Variants in CDK5RAP2 observed in about 807,000 individuals in gnomAD.
The protein encoded by CDK5RAP2 is CDK5 regulatory subunit associated protein 2.
Under a neutral mutation model 232.9 loss-of-function variants are expected in CDK5RAP2, and 147 were observed. The observed-to-expected ratio is 0.63, with a 90% CI of 0.55 to 0.72. The LOEUF (loss-of-function observed/expected upper bound fraction) is 0.72, where lower values mean the gene tolerates loss of function less well. Among genes scored for constraint, CDK5RAP2 ranks in the 30% least tolerant of loss-of-function variants. The pLI is 0.00. For missense variants in CDK5RAP2, 2,195 were observed against 2,231.5 expected (o/e 0.98, Z 0.33); for synonymous variants, 833 against 833.7 (o/e 1.00, Z 0.01).
In CDK5RAP2 at chr9:120,529,365, G is replaced by C. The variant is rs553146021; in HGVS notation, c.826-568C>G. On this transcript the variant is annotated intron_variant, in intron 8 of 37. Coordinates refer to ENST00000349780, the MANE Select transcript of CDK5RAP2 (RefSeq NM_018249.6). ...GCTTGCTGGGGAGGCCGCCTAGGGCGGGGGCAGGAGTCCAGGGAGGCTTTG... is the reference window on the plus strand; with the variant it reads ...GCTTGCTGGGGAGGCCGCCTAGGGCCGGGGCAGGAGTCCAGGGAGGCTTTG... Among the ~76,000 whole-genome samples the C allele has an allele frequency of 5.9e-5, 9 of 152,340 alleles. No individual in the cohort carries two copies. The South Asian group carries it at 1.9e-3, about 32-fold the overall frequency.
intron 5 of CDK5RAP2, among the ~76,000 whole-genome samples, chr9:120,543,240 C>G (rs139862852): frequency 6.6e-6 from 1 of 152,202 alleles, no homozygotes; most frequent in South Asian, 2.1e-4. Context: ...ACTGGACTAG[C>G]TTCCTGACTG....
intron 27 of CDK5RAP2, among the ~76,000 whole-genome samples, chr9:120,417,444 C>T (rs1253595014): frequency 1.3e-5 from 2 of 152,242 alleles, no homozygotes; most frequent in Non-Finnish European, 2.9e-5. Context: ...CCTCCAGCAG[C>T]TAGTCAGGTA....
At chr9:120,563,676 GTCCTCA>G (rs1478507681) in intron 3 of CDK5RAP2, among the ~76,000 whole-genome samples, 2 of 152,200 alleles carry the variant, frequency 1.3e-5, no homozygotes, top group Admixed American at 6.5e-5. Context: ...CTGAAACCCA[GTCCTCA>G]TCATTCTCAA....
At chr9:120,568,004 C>G (rs1266809379) in intron 3 of CDK5RAP2, among the ~76,000 whole-genome samples, 1 of 152,218 alleles carries the variant, frequency 6.6e-6, no homozygotes, top group African/African-American at 2.4e-5. Flanking sequence ...TAGCTCCCCT[C>G]AACTGTGCAA....
chr9:120,478,651 T>TG (rs1453846555), intron 14 of CDK5RAP2, among the ~76,000 whole-genome samples: 2 of 152,152 alleles, frequency 1.3e-5, no homozygotes, highest in African/African-American at 2.4e-5. Context: ...TATGGTGGCA[T>TG]GCACCTATAG....
At chr9:120,430,315 T>A (rs528304263) in intron 25 of CDK5RAP2, among the ~76,000 whole-genome samples, 41 of 151,978 alleles carry the variant, frequency 2.7e-4, no homozygotes, top group African/African-American at 8.4e-4. Flanking sequence ...ACCATCAGAG[T>A]GAACAGGCAA....
At chr9:120,520,794 CAT>C (rs55944936) in intron 11 of CDK5RAP2, among the ~76,000 whole-genome samples, 5 of 73,470 alleles carry the variant, frequency 6.8e-5, no homozygotes, top group African/African-American at 2.2e-4. Flanking sequence ...AGATATATCT[CAT>C]ATATCTCATG....
chr9:120,579,313 C>A (rs1389637267), intron 1 of CDK5RAP2, among the ~76,000 whole-genome samples: 1 of 152,212 alleles, frequency 6.6e-6, no homozygotes, highest in Non-Finnish European at 1.5e-5. Flanking sequence ...CTCTTTTAAT[C>A]CTCACCCCAA....
At chr9:120,479,076 C>T (rs1221340577) in intron 14 of CDK5RAP2, among the ~76,000 whole-genome samples, 1 of 152,066 alleles carries the variant, frequency 6.6e-6, no homozygotes, top group Non-Finnish European at 1.5e-5. Flanking sequence ...TTTGGAAAGG[C>T]TCCCACAAGC....
chr9:120,507,076 A>C (rs1283557438), intron 12 of CDK5RAP2, among the ~76,000 whole-genome samples: 1 of 152,230 alleles, frequency 6.6e-6, no homozygotes, highest in African/African-American at 2.4e-5. Flanking sequence ...ATCAGTCAGC[A>C]GCCATTAACA....
chr9:120,558,729 T>G (rs1211755554), intron 3 of CDK5RAP2, among the ~76,000 whole-genome samples: 1 of 152,152 alleles, frequency 6.6e-6, no homozygotes, highest in East Asian at 1.9e-4. Flanking sequence ...CCACCTCAGC[T>G]CCAATGTCAC....
chr9:120,477,471 T>A (rs770849829), intron 14 of CDK5RAP2, 21 bp from the exon 15 acceptor site: 1 of 1,549,912 alleles, frequency 6.5e-7, no homozygotes, highest in South Asian at 1.1e-5. Context: ...CAATGGGCAT[T>A]TGACATTAAG....
At chr9:120,503,615 G>A (rs2039677124) in intron 12 of CDK5RAP2, among the ~76,000 whole-genome samples, 1 of 152,230 alleles carries the variant, frequency 6.6e-6, no homozygotes, top group Non-Finnish European at 1.5e-5. Flanking sequence ...AACTGGCAGT[G>A]TGACCAGAGA....
At chr9:120,550,364 T>C (rs2042001826) in intron 4 of CDK5RAP2, among the ~76,000 whole-genome samples, 1 of 152,192 alleles carries the variant, frequency 6.6e-6, no homozygotes, top group South Asian at 2.1e-4. Flanking sequence ...CTCATTTTAA[T>C]TCATACAAAT....
chr9:120,517,156 C>T (rs958439079), intron 12 of CDK5RAP2, among the ~76,000 whole-genome samples: 2 of 152,046 alleles, frequency 1.3e-5, no homozygotes, highest in African/African-American at 2.4e-5. Flanking sequence ...CAGGACTGAA[C>T]GATAGTACAG....
chr9:120,440,958 T>G (rs911939676), intron 23 of CDK5RAP2, among the ~76,000 whole-genome samples: 1 of 152,258 alleles, frequency 6.6e-6, no homozygotes, highest in Non-Finnish European at 1.5e-5. Flanking sequence ...AAATATTTCC[T>G]TATAGCTAGT....
rs1338676909 is a variant in CDK5RAP2 at position 120,439,714 on chromosome 9, T to A, written c.3407A>T (p.His1136Leu). The part of the protein sequence containing the change: ...YQNFIFQLQK[H>L]SQCSEAIITV... ...AATTATGGCCTCACTGCACTGGGAGTGCTTTTGAAGCTGAAATATGAAATT... is the reference window on the plus strand; with the variant it reads ...AATTATGGCCTCACTGCACTGGGAGAGCTTTTGAAGCTGAAATATGAAATT... The change falls in exon 24 of 38, where the codon CAC becomes CTC. Residue 1136 changes from histidine (H) to leucine (L), a missense_variant. Transcript: ENST00000349780. 1 of 1,614,044 alleles carries A rather than the reference T, an allele frequency of 6.2e-7. No homozygotes were observed. The highest frequency in any genetic ancestry group is 1.1e-5 in the South Asian group (1 of 91,084).
At chr9:120,494,918 G>T (rs1434423285) in intron 12 of CDK5RAP2, among the ~76,000 whole-genome samples, 1 of 143,412 alleles carries the variant, frequency 7.0e-6, no homozygotes, top group Non-Finnish European at 1.5e-5. Flanking sequence ...GACGCCCGCG[G>T]GCCCCAGCTG....
chr9:120,412,251 C>T (rs1457686188), intron 28 of CDK5RAP2, among the ~76,000 whole-genome samples: 1 of 152,222 alleles, frequency 6.6e-6, no homozygotes, highest in Non-Finnish European at 1.5e-5. Context: ...CATTCACGGC[C>T]ACCCTCAGGA....
Sources: gnomAD v4.1 joint callset for allele counts (sites outside exome capture counted in the v4.1 genomes callset) on GRCh38, gnomAD v4.1.1 for gene constraint, MANE v1.5 for transcripts, NCBI Gene and HGNC (gene_info 2026-07-23, HGNC 2026-07-21) for gene names.